GNAQ: variants seen among roughly 807,000 people sequenced by gnomAD.
The protein encoded by GNAQ is guanine nucleotide-binding protein G(q) subunit alpha.
Under a neutral mutation model 43.9 loss-of-function variants are expected in GNAQ, and 8 were observed. The ratio of observed to expected loss-of-function variants is 0.18; its 90% confidence interval spans 0.11 to 0.33. GNAQ has a LOEUF of 0.33. Among genes scored for constraint, GNAQ ranks in the 10% least tolerant of loss-of-function variants. The probability of loss-of-function intolerance (pLI) is 1.00; values close to 1 mark genes in which losing one functional copy is unlikely to be tolerated. For missense variants in GNAQ, 158 were observed against 450.8 expected (o/e 0.35, Z 5.88); for synonymous variants, 155 against 170.7 (o/e 0.91, Z 0.71).
chr9:77,732,511 G>C lies in GNAQ; in HGVS notation c.736-3844C>G, dbSNP rs1228763391. Among the ~76,000 whole-genome samples the C allele has an allele frequency of 2.6e-5, 4 of 152,014 alleles. No homozygotes were observed. In the East Asian group the frequency reaches 7.7e-4, roughly 29 times the overall value. ...CTCCCTAGTGGCTGGGACTACAGGT[G>C]TCCGCCACCACACCTGGCTAATTTT... On this transcript the variant is annotated intron_variant, in intron 5 of 6. Transcript: ENST00000286548.
chr9:77,897,571 C>T (rs949044222), intron 2 of GNAQ, among the ~76,000 whole-genome samples: 1 of 152,234 alleles, frequency 6.6e-6, no homozygotes, highest in African/African-American at 2.4e-5. Context: ...CCCTTCAGCA[C>T]TGGGCTCCTG....
At chr9:77,998,256 T>G (rs368859865) in intron 1 of GNAQ, among the ~76,000 whole-genome samples, 2 of 152,204 alleles carry the variant, frequency 1.3e-5, no homozygotes, top group African/African-American at 2.4e-5. Flanking sequence ...TGAGGAGAGA[T>G]AGGGCAACGG....
At chr9:77,890,918 C>T (rs971172743) in intron 2 of GNAQ, among the ~76,000 whole-genome samples, 1 of 152,116 alleles carries the variant, frequency 6.6e-6, no homozygotes, top group African/African-American at 2.4e-5. Flanking sequence ...CACTTGAGGC[C>T]AGGAGTTCTA....
intron 5 of GNAQ, among the ~76,000 whole-genome samples, chr9:77,788,878 G>A (rs986952646): frequency 6.6e-6 from 1 of 152,156 alleles, no homozygotes; most frequent in Non-Finnish European, 1.5e-5. Context: ...TGGTTCCCTC[G>A]AGGGATATTA....
At chr9:78,025,177 C>T (rs576004990) in intron 1 of GNAQ, among the ~76,000 whole-genome samples, 93 of 152,200 alleles carry the variant, frequency 6.1e-4, no homozygotes, top group African/African-American at 2.1e-3. Context: ...AGAAATCAGA[C>T]AGATTTTTAC....
chr9:77,997,534 G>A (rs929349475), intron 1 of GNAQ, among the ~76,000 whole-genome samples: 2 of 152,198 alleles, frequency 1.3e-5, no homozygotes, highest in Non-Finnish European at 2.9e-5. Flanking sequence ...ACAGGTGCAA[G>A]TAAAGTCAGG....
intron 1 of GNAQ, among the ~76,000 whole-genome samples, chr9:77,928,637 T>C (rs1353842380): frequency 6.6e-6 from 1 of 152,176 alleles, no homozygotes; most frequent in Non-Finnish European, 1.5e-5. Context: ...GGAGTGCCCG[T>C]AGTAAACATT....
chr9:77,927,651 TCTA>T (rs1396056634), intron 1 of GNAQ, among the ~76,000 whole-genome samples: 2 of 151,852 alleles, frequency 1.3e-5, no homozygotes, highest in East Asian at 1.9e-4. Context: ...CCATACCACT[TCTA>T]CTTTTTTTTT....
At chr9:77,871,653 C>A (rs1828040059) in intron 2 of GNAQ, among the ~76,000 whole-genome samples, 1 of 152,150 alleles carries the variant, frequency 6.6e-6, no homozygotes, top group Non-Finnish European at 1.5e-5. Flanking sequence ...GCTTCCTCCC[C>A]ATATCCTCAC....
rs976406824 is a variant in GNAQ, at chr9:77,878,472, C to T, written c.321+43689G>A. Among the ~76,000 whole-genome samples the T allele has an allele frequency of 7.2e-5, 11 of 152,046 alleles. No homozygotes were observed. The East Asian group carries it at 9.7e-4, about 13-fold the overall frequency. ...AAGACGATCATATCACCTAGTAACA[C>T]CTAATAAATAGGATTTTTGAAATTG... On this transcript the variant is annotated intron_variant, in intron 2 of 6. Coordinates refer to ENST00000286548, the MANE Select transcript of GNAQ (RefSeq NM_002072.5).
At chr9:77,760,998 A>C (rs867754093) in intron 5 of GNAQ, among the ~76,000 whole-genome samples, 4,920 of 135,502 alleles carry the variant, frequency 0.036, 40 homozygotes, top group African/African-American at 0.12. Context: ...AAGTGAGGAG[A>C]CCCTCCGCCC....
intron 2 of GNAQ, among the ~76,000 whole-genome samples, chr9:77,897,580 T>C (rs1828524024): frequency 6.6e-6 from 1 of 152,238 alleles, no homozygotes; most frequent in African/African-American, 2.4e-5. Flanking sequence ...ACTGGGCTCC[T>C]GCCATGGGCT....
At chr9:77,986,665 C>T (rs1167850866) in intron 1 of GNAQ, among the ~76,000 whole-genome samples, 1 of 151,990 alleles carries the variant, frequency 6.6e-6, no homozygotes, top group African/African-American at 2.4e-5. Context: ...ATCAACATGT[C>T]CAGCTAATTT....
chr9:77,957,815 G>C (rs1199024090), intron 1 of GNAQ, among the ~76,000 whole-genome samples: 1 of 152,162 alleles, frequency 6.6e-6, no homozygotes, highest in Non-Finnish European at 1.5e-5. Context: ...AGTCAGAAAG[G>C]GAGAGGGCAG....
intron 1 of GNAQ, among the ~76,000 whole-genome samples, chr9:77,968,958 A>G (rs1310879133): frequency 6.6e-6 from 1 of 152,250 alleles, no homozygotes; most frequent in East Asian, 1.9e-4. Context: ...CTTAATGGAC[A>G]GTGCTCTTCT....
At chr9:77,965,197 C>A (rs1823151417) in intron 1 of GNAQ, among the ~76,000 whole-genome samples, 1 of 151,982 alleles carries the variant, frequency 6.6e-6, no homozygotes, top group Non-Finnish European at 1.5e-5. Flanking sequence ...AATGTTCAAC[C>A]AGCAACTACC....
Position 77,938,431 on chromosome 9 carries a change from G to A in GNAQ, c.137-16086C>T, listed in dbSNP as rs572789373. ...AGAACTTCATCATAGGACTCATGAA[G>A]AAGACACTGGCATGGCACAAACAGT... On this transcript the variant is annotated intron_variant, in intron 1 of 6. Coordinates refer to ENST00000286548, the MANE Select transcript of GNAQ (RefSeq NM_002072.5). Among the ~76,000 whole-genome samples the A allele has an allele frequency of 7.9e-5, 12 of 152,306 alleles. No individual in the cohort carries two copies. In the South Asian group the frequency reaches 2.5e-3, roughly 32 times the overall value.
chr9:77,834,403 T>G (rs1337413170), intron 2 of GNAQ, among the ~76,000 whole-genome samples: 1 of 152,238 alleles, frequency 6.6e-6, no homozygotes, highest in Non-Finnish European at 1.5e-5. Context: ...TAAATATGAT[T>G]TTATATCTTT....
Position 77,795,380 on chromosome 9 carries a change from T to C in GNAQ, c.606-788A>G, listed in dbSNP as rs775895033. ...TATGTCTGAAAATATCTAGCAATGC[T>C]TGGCACTGAGTCAAAGTTTCTCCAA... is the stretch of plus-strand genomic sequence containing the variant. On this transcript the variant is annotated intron_variant, in intron 4 of 6. Transcript: ENST00000286548. Among the ~76,000 whole-genome samples the C allele has an allele frequency of 9.3e-4, 141 of 152,318 alleles. No homozygotes were observed. The Middle Eastern group carries it at 0.017, about 18-fold the overall frequency.
Sources: allele counts gnomAD v4.1 joint callset (sites outside exome capture counted in the v4.1 genomes callset), GRCh38; gene constraint gnomAD v4.1.1; transcripts MANE v1.5; gene names NCBI Gene and HGNC (gene_info 2026-07-23, HGNC 2026-07-21).